The following DLG1 variants were observed in gnomAD, a reference collection of about 807,000 sequenced individuals.
DLG1 encodes discs large MAGUK scaffold protein 1, also known as disks large homolog 1.
A neutral mutation model predicts 123.4 loss-of-function variants in DLG1; 42 were observed. The ratio of observed to expected loss-of-function variants is 0.34; its 90% confidence interval spans 0.27 to 0.44. The LOEUF is 0.44. DLG1 is among the 20% of genes least tolerant of loss of function. The pLI is 1.00. For synonymous variants in DLG1, 317 were observed against 356.2 expected (o/e 0.89, Z 1.24); for missense variants, 942 against 1,082.6 (o/e 0.87, Z 1.82).
intron 5 of DLG1, among the ~76,000 whole-genome samples, chr3:197,154,252 A>G (rs1795299398): frequency 6.6e-6 from 1 of 152,126 alleles, no homozygotes; most frequent in African/African-American, 2.4e-5. Flanking sequence ...CAATGAGCCG[A>G]GATGACACCA....
chr3:197,126,747 C>T (rs62281754), intron 11 of DLG1, among the ~76,000 whole-genome samples: 50,820 of 151,924 alleles, frequency 0.33, 8,972 homozygotes, highest in Middle Eastern at 0.43. Flanking sequence ...AGGTTAAATA[C>T]TATTAAGGAA....
chr3:197,200,366 C>T (rs1002805179), intron 4 of DLG1, among the ~76,000 whole-genome samples: 3 of 152,018 alleles, frequency 2.0e-5, no homozygotes, highest in Non-Finnish European at 2.9e-5. Context: ...TTGTTCCATG[C>T]AAGCCAATAT....
chr3:197,129,996 GAC>G (rs1579918808), intron 11 of DLG1, among the ~76,000 whole-genome samples: 1 of 152,288 alleles, frequency 6.6e-6, no homozygotes, highest in South Asian at 2.1e-4. Flanking sequence ...ACCAAAATGT[GAC>G]ACAGAGACAT....
chr3:197,217,463 A>C (rs1408669846), intron 4 of DLG1, among the ~76,000 whole-genome samples: 1 of 152,246 alleles, frequency 6.6e-6, no homozygotes, highest in African/African-American at 2.4e-5. Flanking sequence ...ATCAGTATGT[A>C]CAAAATGGAT....
At chr3:197,054,821 AT>A (rs1208699211) in intron 23 of DLG1, among the ~76,000 whole-genome samples, 34 of 142,938 alleles carry the variant, frequency 2.4e-4, no homozygotes, top group Admixed American at 2.8e-4. Flanking sequence ...ATTTTTGTTT[AT>A]TTTTTTTTTT....
At chr3:197,119,907 G>C (rs1352131773) in intron 11 of DLG1, among the ~76,000 whole-genome samples, 1 of 139,390 alleles carries the variant, frequency 7.2e-6, no homozygotes, top group African/African-American at 2.8e-5. Flanking sequence ...TTACATCTAT[G>C]CTTTTAAATT....
chr3:197,132,249 C>T (rs1203430369), intron 10 of DLG1, among the ~76,000 whole-genome samples: 1 of 151,586 alleles, frequency 6.6e-6, no homozygotes, highest in Non-Finnish European at 1.5e-5. Context: ...TTATTTCCAC[C>T]CTTCTGTTTG....
intron 3 of DLG1, among the ~76,000 whole-genome samples, chr3:197,288,582 G>A (rs1289399104): frequency 1.3e-5 from 2 of 150,794 alleles, no homozygotes; most frequent in Non-Finnish European, 3.0e-5. Flanking sequence ...TTAGCCAGGC[G>A]TGGTGGCACA....
intron 14 of DLG1, among the ~76,000 whole-genome samples, chr3:197,100,779 A>T (rs532064290): frequency 6.6e-6 from 1 of 152,296 alleles, no homozygotes; most frequent in South Asian, 2.1e-4. Context: ...GAGTTTCTCT[A>T]ATCTGACTAA....
intron 4 of DLG1, among the ~76,000 whole-genome samples, chr3:197,209,575 C>A (rs1261604732): frequency 6.8e-6 from 1 of 146,474 alleles, no homozygotes; most frequent in Non-Finnish European, 1.5e-5. Context: ...AATACATCAC[C>A]TTCTGTGAAT....
chr3:197,180,617 A>T (rs1809711617), intron 5 of DLG1, among the ~76,000 whole-genome samples: 1 of 152,216 alleles, frequency 6.6e-6, no homozygotes, highest in Non-Finnish European at 1.5e-5. Context: ...GATACAATGA[A>T]ATGATAAAAC....
chr3:197,101,814 C>T (rs147439570), intron 14 of DLG1, among the ~76,000 whole-genome samples: 3 of 152,064 alleles, frequency 2.0e-5, no homozygotes, highest in African/African-American at 4.8e-5. Flanking sequence ...TATTTTGAGA[C>T]GGGGTCTCAC....
chr3:197,129,303 T>C (rs963833631), intron 11 of DLG1, among the ~76,000 whole-genome samples: 2 of 152,236 alleles, frequency 1.3e-5, no homozygotes, highest in Admixed American at 6.5e-5. Flanking sequence ...TTTCATGTTA[T>C]AGAGATGACT....
In DLG1 at chr3:197,043,062, C is replaced by T. The variant is rs1226113086; in HGVS notation, c.*1561G>A. On this transcript the variant is annotated 3_prime_UTR_variant, in exon 25 of 25. Coordinates refer to ENST00000667157, the MANE Select transcript of DLG1 (RefSeq NM_001366207.1). ...TTGTCAAAAACACATATTTAATAAA[C>T]AACTCCAAAGAGCAATGGGAAGCCA... 2.0e-5 allele frequency: 3 copies of T among 152,116 alleles called. No homozygotes were observed. The highest frequency in any genetic ancestry group is 6.6e-5 in the Admixed American group (1 of 15,266). The allele number at this position is 152,116 out of a possible 1,614,324, so 9.4% of individuals were successfully genotyped here.
intron 4 of DLG1, among the ~76,000 whole-genome samples, chr3:197,199,551 A>G (rs1724504443): frequency 6.6e-6 from 1 of 152,090 alleles, no homozygotes; most frequent in Non-Finnish European, 1.5e-5. Context: ...AAAATCCGAA[A>G]CGCTTCTGGT....
intron 4 of DLG1, among the ~76,000 whole-genome samples, chr3:197,211,848 C>T (rs9836035): frequency 0.5 from 72,184 of 145,184 alleles, 21,885 homozygotes; most frequent in East Asian, 0.77. Flanking sequence ...AAGACATGGA[C>T]ATCAATGACA....
chr3:197,280,623 T>C (rs1237875799), intron 4 of DLG1, among the ~76,000 whole-genome samples: 1 of 152,212 alleles, frequency 6.6e-6, no homozygotes, highest in Non-Finnish European at 1.5e-5. Flanking sequence ...AAATATTCAC[T>C]TTCAATGGTT....
chr3:197,187,494 T>G (rs1253731828), intron 5 of DLG1, among the ~76,000 whole-genome samples: 1 of 152,306 alleles, frequency 6.6e-6, no homozygotes, highest in East Asian at 1.9e-4. Flanking sequence ...AATTATCTGC[T>G]CATTGACCCT....
intron 14 of DLG1, 38 bp from the exon 15 acceptor site, chr3:197,091,064 CA>C: frequency 7.2e-7 from 1 of 1,385,852 alleles, no homozygotes; most frequent in Non-Finnish European, 1.0e-6. Flanking sequence ...GATATATTTT[CA>C]AAAAATAAGT....
Sources: allele counts gnomAD v4.1 joint callset (sites outside exome capture counted in the v4.1 genomes callset), GRCh38; gene constraint gnomAD v4.1.1; transcripts MANE v1.5; gene names NCBI Gene and HGNC (gene_info 2026-07-23, HGNC 2026-07-21).